Variants in TOE1 observed in about 807,000 individuals in gnomAD.
The protein encoded by TOE1 is target of EGR1, exonuclease, also known as target of EGR1 protein 1.
In TOE1, 50 loss-of-function variants were observed where a neutral mutation model predicts 49.2. That is an observed-to-expected ratio of 1.02 (90% CI 0.81 to 1.29). The LOEUF (loss-of-function observed/expected upper bound fraction) is 1.29. Among genes scored for constraint, TOE1 ranks in the 50% most tolerant of loss-of-function variants. The pLI, the probability that TOE1 is intolerant of heterozygous loss-of-function variation, is 0.00. For synonymous variants in TOE1, 221 were observed against 247.0 expected (o/e 0.89, Z 0.99); for missense variants, 544 against 654.4 (o/e 0.83, Z 1.84).
chr1:45,341,031 C>CT, intron 1 of TOE1, 42 bp from the exon 2 acceptor site: 1 of 1,612,762 alleles, frequency 6.2e-7, no homozygotes, highest in Non-Finnish European at 8.5e-7. Flanking sequence ...CCCCTGGGCT[C>CT]TTTCCTTAAG....
At chr1:45,341,241 A>G (rs1343863605) in intron 2 of TOE1, 26 bp downstream of exon 2, 2 of 1,614,158 alleles carry the variant, frequency 1.2e-6, no homozygotes, top group Admixed American at 3.3e-5. Flanking sequence ...CAAGGAGGGC[A>G]GGTGGTTGTG....
In TOE1 at chr1:45,342,909, T is replaced by A; in HGVS notation, c.819T>A (p.Tyr273Ter). The A allele has an allele frequency of 6.2e-7, 1 of 1,613,904 alleles. No individual in the cohort carries two copies. The highest frequency in any genetic ancestry group is 8.5e-7 in the Non-Finnish European group (1 of 1,180,010). The stretch of plus-strand genomic sequence containing the variant: ...ACCTTACCCTGGAGTTCTGCAACTA[T>A]CCTTCCAGCATGAGGGACCATATTG... ...SPHLTLEFCN[Y>*]PSSMRDHIDY... The change falls in exon 7 of 8, where the codon TAT (tyrosine) becomes TAA (stop). Residue 273 changes from tyrosine (Y) to a stop codon, truncating the protein, a stop_gained. Transcript: ENST00000372090. LOFTEE classifies it high-confidence loss of function.
rs1235219978 is a variant in TOE1, at chr1:45,343,336, T to C, written c.1167T>C (p.Thr389=). The C allele has an allele frequency of 3.7e-6, 6 of 1,613,732 alleles. No homozygotes were observed. In the African/African-American group the frequency reaches 8.0e-5, roughly 22 times the overall value. Residue 389 remains threonine (T), a synonymous_variant, in exon 8 of 8, where the codon ACT becomes ACC. Transcript: ENST00000372090. The surrounding 1 kb of genome is among the most constrained non-coding windows in gnomAD (Gnocchi z 4.3). Reference sequence around the variant, plus strand: ...AGCAGGAGGTGGCTGCCGATGAAACTAGGAACCTGCCTCACTCCAAGCAAG... The same window carrying C: ...AGCAGGAGGTGGCTGCCGATGAAACCAGGAACCTGCCTCACTCCAAGCAAG... ...ETEQEVAADE[T]RNLPHSKQGN...
In TOE1 at chr1:45,342,712, T is replaced by C. The variant is rs942804402; in HGVS notation, c.752+69T>C. On this transcript the variant is annotated intron_variant, in intron 6 of 7. Transcript: ENST00000372090. ...TTATTTCATTCACTTAAGATATTTA[T>C]TGAGCTCCTACCATGTGCCCAGGCA... The C allele has an allele frequency of 5.6e-6, 9 of 1,600,642 alleles. No homozygotes were observed. The African/African-American group carries it at 8.0e-5, about 14-fold the overall frequency.
intron 4 of TOE1, 33 bp from the exon 5 acceptor site, chr1:45,341,916 A>C: frequency 6.2e-7 from 1 of 1,607,998 alleles, no homozygotes; most frequent in South Asian, 1.1e-5. Flanking sequence ...GGCTCTCTGA[A>C]ATCTTGATAT....
Position 45,343,052 on chromosome 1 carries a change from CCTCTTT to C in TOE1, c.913-27_913-22del. On this transcript the variant is annotated intron_variant, in intron 7 of 7. Coordinates refer to ENST00000372090, the MANE Select transcript of TOE1 (RefSeq NM_025077.4). This position sits in a 1 kb window ranked among gnomAD's most constrained non-coding sequence, Gnocchi z 4.3. ...GGAGGGAAGGTTCTGATGCCTGGAGCCTCTTTCTAAGCCTCTTTCCCACCCCTAGGC... is the reference window on the plus strand; with the variant it reads ...GGAGGGAAGGTTCTGATGCCTGGAGCCTAAGCCTCTTTCCCACCCCTAGGC... The C allele has an allele frequency of 6.2e-7, 1 of 1,613,318 alleles. No individual in the cohort carries two copies. The highest frequency in any genetic ancestry group is 8.5e-7 in the Non-Finnish European group (1 of 1,179,588).
rs375531301 is a variant in TOE1, at chr1:45,341,306, C to T, written c.199C>T (p.Leu67=). The T allele has an allele frequency of 2.6e-5, 42 of 1,614,172 alleles. No homozygotes were observed. In the African/African-American group the frequency reaches 5.5e-4, roughly 21 times the overall value. The part of the protein sequence containing the change: ...TANFVAVDTE[L]SGLGDRKSLL... ...CTCTCCCTTTACCTACCCACAGGAGCTGAGTGGGCTTGGGGACAGGAAGAG... is the reference window on the plus strand; with the variant it reads ...CTCTCCCTTTACCTACCCACAGGAGTTGAGTGGGCTTGGGGACAGGAAGAG... Residue 67 remains leucine (L), a synonymous_variant, in exon 3 of 8, where the codon CTG becomes TTG. Coordinates refer to ENST00000372090, the MANE Select transcript of TOE1 (RefSeq NM_025077.4).
At position 45,341,584 on chromosome 1, in the gene TOE1, C is replaced by T. The variant is rs1314164783; in HGVS notation, c.333+15C>T. 6.2e-7 allele frequency: 1 copy of T among 1,609,100 alleles called. No homozygotes were observed. Among genetic ancestry groups the T allele is most frequent in the Non-Finnish European group, 8.5e-7 (1 of 1,177,034 alleles). The stretch of plus-strand genomic sequence containing the variant: ...AGCCAGACAAGGTATGAGCTGATCT[C>T]ACCCCAATCCTAGGTGTGGCTGTGG... On this transcript the variant is annotated intron_variant, in intron 4 of 7. Transcript: ENST00000372090.
At position 45,342,411 on chromosome 1, in the gene TOE1, C is replaced by A; in HGVS notation, c.520C>A (p.Arg174=). 1 of 1,614,068 alleles carries A rather than the reference C, an allele frequency of 6.2e-7. No individual in the cohort carries two copies. The highest frequency in any genetic ancestry group is 8.5e-7 in the Non-Finnish European group (1 of 1,180,012). The change falls in exon 6 of 8, where the codon CGG becomes AGG. Residue 174 remains arginine (R), a synonymous_variant. Coordinates refer to ENST00000372090, the MANE Select transcript of TOE1 (RefSeq NM_025077.4). ...TGATGAGAGCCAGAGCCAGTCAGTA[C>A]GGACCCTATTCCTGGAGCTAATCCG... ...KGDESQSQSV[R]TLFLELIRAR...
rs1467120920 is a variant in TOE1, at chr1:45,343,585, C to G, written c.1416C>G (p.Cys472Trp). The change falls in exon 8 of 8, where the codon TGC becomes TGG. Residue 472 changes from cysteine (C) to tryptophan (W), a missense_variant. By Grantham distance (215) the Cys-to-Trp change is radical. Transcript: ENST00000372090. The surrounding 1 kb of genome is among the most constrained non-coding windows in gnomAD (Gnocchi z 4.3). Reference protein sequence around the residue: ...PCSSGPWLPECHNKVYLSGKA... With the variant: ...PCSSGPWLPEWHNKVYLSGKA... ...GCTCTGGACCCTGGCTCCCTGAATG[C>G]CACAATAAGGTATATTTGAGTGGCA... The G allele has an allele frequency of 1.2e-6, 2 of 1,613,962 alleles. No individual in the cohort carries two copies. Among genetic ancestry groups the G allele is most frequent in the Non-Finnish European group, 1.7e-6 (2 of 1,180,038 alleles).
chr1:45,341,971 A>G lies in TOE1; in HGVS notation c.356A>G (p.Gln119Arg). The G allele has an allele frequency of 1.2e-6, 2 of 1,614,008 alleles. No homozygotes were observed. Among genetic ancestry groups the G allele is most frequent in the Non-Finnish European group, 1.7e-6 (2 of 1,179,950 alleles). Residue 119 changes from glutamine to arginine, a missense_variant, in exon 5 of 8, where the codon CAA (glutamine) becomes CGA (arginine). Physicochemically the swap from Gln to Arg is conservative, Grantham distance 43. Transcript: ENST00000372090. ...CAGGGTGAACATTCCTATCTGGCTCAAGTGTTCAATCTCACTCTGCTGTGC... is the reference window on the plus strand; with the variant it reads ...CAGGGTGAACATTCCTATCTGGCTCGAGTGTTCAATCTCACTCTGCTGTGC... ...PDKGEHSYLA[Q>R]VFNLTLLCME...
At position 45,342,086 on chromosome 1, in the gene TOE1, C is replaced by T. The variant is rs755639475; in HGVS notation, c.471C>T (p.Pro157=). 19 of 1,613,756 alleles carry T rather than the reference C, an allele frequency of 1.2e-5. No homozygotes were observed. Among genetic ancestry groups the T allele is most frequent in the Non-Finnish European group, 1.6e-5 (19 of 1,179,854 alleles). ...NFNQQYAQGI[P]YHKGNDKGDE... ...ACCAGCAGTATGCCCAAGGCATCCCCTACCATAAGGGCAATGACAAGGTAG... is the reference window on the plus strand; with the variant it reads ...ACCAGCAGTATGCCCAAGGCATCCCTTACCATAAGGGCAATGACAAGGTAG... The change falls in exon 5 of 8, where the codon CCC becomes CCT. Residue 157 remains proline (P), a synonymous_variant. Transcript: ENST00000372090.
chr1:45,341,984 C>T lies in TOE1; in HGVS notation c.369C>T (p.Leu123=). The change falls in exon 5 of 8, where the codon CTC becomes CTT. Residue 123 remains leucine, a synonymous_variant. Coordinates refer to ENST00000372090, the MANE Select transcript of TOE1 (RefSeq NM_025077.4). ...EHSYLAQVFN[L]TLLCMEEYVI... ...CCTATCTGGCTCAAGTGTTCAATCT[C>T]ACTCTGCTGTGCATGGAGGAGTATG... 1 of 1,614,104 alleles carries T rather than the reference C, an allele frequency of 6.2e-7. No individual in the cohort carries two copies. Among genetic ancestry groups the T allele is most frequent in the Non-Finnish European group, 8.5e-7 (1 of 1,179,984 alleles).
intron 1 of TOE1, 72 bp downstream of exon 1, chr1:45,340,376 T>C: frequency 1.3e-6 from 2 of 1,556,454 alleles, no homozygotes; most frequent in Non-Finnish European, 1.7e-6. Flanking sequence ...GGGCTCATAG[T>C]TCTAGAGGCT....
At chr1:45,340,432 G>T in intron 1 of TOE1, 128 bp downstream of exon 1, 1 of 1,521,492 alleles carries the variant, frequency 6.6e-7, no homozygotes, top group Non-Finnish European at 8.8e-7. Context: ...CTAGCCACGA[G>T]GAGACTACAA....
In TOE1 at chr1:45,341,936, CTCTT is replaced by C; in HGVS notation, c.334-9_334-6del. The stretch of plus-strand genomic sequence containing the variant: ...TCTGAAATCTTGATATAGCAGACTT[CTCTT>C]TCTCCCAGGGTGAACATTCCTATCT... On this transcript the variant is annotated splice_polypyrimidine_tract_variant and intron_variant, in intron 4 of 7. Transcript: ENST00000372090. 1 of 1,612,702 alleles carries C rather than the reference CTCTT, an allele frequency of 6.2e-7. No individual in the cohort carries two copies. Among genetic ancestry groups the C allele is most frequent in the Non-Finnish European group, 8.5e-7 (1 of 1,178,878 alleles).
intron 4 of TOE1, 101 bp from the exon 5 acceptor site, chr1:45,341,848 C>T: frequency 7.7e-7 from 1 of 1,290,506 alleles, no homozygotes; most frequent in Non-Finnish European, 1.1e-6. Flanking sequence ...CCATCCTTTC[C>T]CCCCTGAGTC....
At chr1:45,341,667 CTT>C in intron 4 of TOE1, 98 bp downstream of exon 4, 1 of 1,102,094 alleles carries the variant, frequency 9.1e-7, no homozygotes, top group Non-Finnish European at 1.3e-6. Context: ...TCTCCCAAAT[CTT>C]TTTTTTTGAC....
chr1:45,341,631 AG>A (rs1646986966), intron 4 of TOE1, 62 bp downstream of exon 4: 1 of 1,423,604 alleles, frequency 7.0e-7, no homozygotes, highest in Non-Finnish European at 9.6e-7. Context: ...GAGAGATTCT[AG>A]GGAACATCAG....
Sources: gnomAD v4.1 joint callset for allele counts on GRCh38, gnomAD v4.1.1 for gene constraint, Gnocchi (gnomAD v3.1) non-coding constraint, MANE v1.5 for transcripts, NCBI Gene and HGNC (gene_info 2026-07-23, HGNC 2026-07-21) for gene names.